Variants in YTHDF3 observed in about 807,000 individuals in gnomAD.
The protein encoded by YTHDF3 is YTH domain-containing family protein 3.
In YTHDF3, 9 loss-of-function variants were observed where a neutral mutation model predicts 52.5. The ratio of observed to expected loss-of-function variants is 0.17; its 90% CI spans 0.10 to 0.30. YTHDF3 has a LOEUF of 0.30. Ranked by LOEUF, YTHDF3 falls within the 10% of genes least tolerant of loss-of-function variation. The pLI is 1.00. For synonymous variants in YTHDF3, 274 were observed against 243.3 expected (o/e 1.13, Z -1.18); for missense variants, 534 against 715.0 (o/e 0.75, Z 2.89).
intron 4 of YTHDF3, among the ~76,000 whole-genome samples, chr8:63,200,000 G>GTTTACAT (rs1809497759): frequency 6.6e-6 from 1 of 152,160 alleles, no homozygotes; most frequent in South Asian, 2.1e-4. Flanking sequence ...ACAGTTTACA[G>GTTTACAT]TTTTTGCATG....
chr8:63,204,478 C>T (rs532868468), intron 4 of YTHDF3, among the ~76,000 whole-genome samples: 20 of 151,642 alleles, frequency 1.3e-4, no homozygotes, highest in Admixed American at 3.9e-4. Flanking sequence ...TTTCCTGCCT[C>T]GGCCTTCCCA....
At chr8:63,174,015 T>C (rs537483523) in intron 2 of YTHDF3, among the ~76,000 whole-genome samples, 1 of 152,314 alleles carries the variant, frequency 6.6e-6, no homozygotes, top group South Asian at 2.1e-4. Context: ...TAAGGGATTT[T>C]GTATATCTTT....
At chr8:63,179,501 T>C (rs376138949) in intron 3 of YTHDF3, among the ~76,000 whole-genome samples, 137 of 152,306 alleles carry the variant, frequency 9.0e-4, no homozygotes, top group African/African-American at 3.2e-3. Flanking sequence ...CCTGAGTGGA[T>C]ACAGCACATG....
At chr8:63,168,923 G>A in intron 1 of YTHDF3, 22 bp downstream of exon 1, 2 of 1,550,246 alleles carry the variant, frequency 1.3e-6, no homozygotes, top group Non-Finnish European at 1.7e-6. Flanking sequence ...GAGGCCCCAG[G>A]CTTGGCGAAG....
At chr8:63,171,762 G>C (rs563756652) in intron 2 of YTHDF3, among the ~76,000 whole-genome samples, 51 of 152,270 alleles carry the variant, frequency 3.3e-4, no homozygotes, top group African/African-American at 9.9e-4. Context: ...CTTGAATTCT[G>C]AACTTAGCAA....
intron 3 of YTHDF3, among the ~76,000 whole-genome samples, chr8:63,179,145 T>C (rs570722946): frequency 3.9e-5 from 6 of 152,340 alleles, no homozygotes; most frequent in African/African-American, 1.4e-4. Flanking sequence ...GCAGCATATT[T>C]CTTCTATTTT....
intron 2 of YTHDF3, among the ~76,000 whole-genome samples, chr8:63,169,729 A>G (rs1287788177): frequency 1.3e-5 from 2 of 152,238 alleles, no homozygotes; most frequent in South Asian, 2.1e-4. Context: ...AAAAATTTCT[A>G]CATGTGTATA....
At chr8:63,174,770 A>G (rs918102266) in intron 2 of YTHDF3, among the ~76,000 whole-genome samples, 3 of 152,198 alleles carry the variant, frequency 2.0e-5, no homozygotes, top group Non-Finnish European at 2.9e-5. Context: ...TTATTTAGAT[A>G]TTTCATAATT....
intron 3 of YTHDF3, chr8:63,175,653 G>A (rs1807636528): frequency 2.8e-6 from 1 of 356,558 alleles, no homozygotes; most frequent in Non-Finnish European, 5.2e-6. Flanking sequence ...ATTTGAAGGT[G>A]ACCATTATTT....
At chr8:63,199,707 T>A (rs1033978167) in intron 4 of YTHDF3, among the ~76,000 whole-genome samples, 1 of 152,162 alleles carries the variant, frequency 6.6e-6, no homozygotes, top group East Asian at 1.9e-4. Flanking sequence ...AAGATAAGAG[T>A]TATTCTTCCA....
At chr8:63,179,842 G>T (rs533912614) in intron 3 of YTHDF3, among the ~76,000 whole-genome samples, 8 of 151,212 alleles carry the variant, frequency 5.3e-5, no homozygotes, top group East Asian at 2.0e-4. Context: ...CTGGCCGGGT[G>T]GGGGGCTGAC....
intron 4 of YTHDF3, among the ~76,000 whole-genome samples, chr8:63,191,196 GTAAA>G (rs1312794919): frequency 1.3e-5 from 2 of 152,110 alleles, no homozygotes; most frequent in Non-Finnish European, 1.5e-5. Context: ...CATTATGAAT[GTAAA>G]TGTGAAAACG....
At chr8:63,209,474 G>A (rs1472967492) in intron 4 of YTHDF3, among the ~76,000 whole-genome samples, 1 of 152,092 alleles carries the variant, frequency 6.6e-6, no homozygotes, top group Non-Finnish European at 1.5e-5. Flanking sequence ...AGGTCTTTGT[G>A]TTTGAGAGTT....
chr8:63,192,505 T>TGAAACCACTGTGTTA (rs1254648190), intron 4 of YTHDF3, among the ~76,000 whole-genome samples: 2 of 152,224 alleles, frequency 1.3e-5, no homozygotes, highest in Non-Finnish European at 2.9e-5. Context: ...CCCTTAAGTT[T>TGAAACCACTGTGTTA]GAAACCACTG....
At chr8:63,173,652 A>C (rs1807494163) in intron 2 of YTHDF3, 10 of 985,214 alleles carry the variant, frequency 1.0e-5, no homozygotes, top group Admixed American at 1.2e-4. Flanking sequence ...TTGATTTAGG[A>C]GCAGTAAAGC....
chr8:63,172,623 G>A (rs1412429687), intron 2 of YTHDF3: 5 of 415,502 alleles, frequency 1.2e-5, no homozygotes, highest in South Asian at 1.3e-4. Context: ...AGGAGATAGC[G>A]GGTATATGGT....
At chr8:63,180,337 G>C (rs1278753878) in intron 3 of YTHDF3, among the ~76,000 whole-genome samples, 1 of 151,924 alleles carries the variant, frequency 6.6e-6, no homozygotes, top group Non-Finnish European at 1.5e-5. Flanking sequence ...TCAGACGATG[G>C]GCGGCTGGGC....
intron 1 of YTHDF3, 172 bp from the exon 2 acceptor site, chr8:63,169,215 G>C: frequency 1.5e-6 from 2 of 1,320,144 alleles, no homozygotes; most frequent in Non-Finnish European, 2.0e-6. Context: ...GCGGGTGGGA[G>C]GTTTAAAGGC....
intron 4 of YTHDF3, among the ~76,000 whole-genome samples, chr8:63,200,707 A>C (rs1809571892): frequency 6.6e-6 from 1 of 152,142 alleles, no homozygotes; most frequent in Non-Finnish European, 1.5e-5. Flanking sequence ...TCAAATTTTT[A>C]TTTGTAAACT....
Sources: gnomAD v4.1 joint callset for allele counts (sites outside exome capture counted in the v4.1 genomes callset) on GRCh38, gnomAD v4.1.1 for gene constraint, MANE v1.5 for transcripts, NCBI Gene and HGNC (gene_info 2026-07-23, HGNC 2026-07-21) for gene names.